CSMD2: variants seen among roughly 807,000 people sequenced by gnomAD.
CSMD2 encodes the protein CUB and sushi domain-containing protein 2.
Under a neutral mutation model 398.5 loss-of-function variants are expected in CSMD2, and 130 were observed. The observed-to-expected ratio is 0.33, with a 90% confidence interval of 0.28 to 0.38. The LOEUF is 0.38. CSMD2 is among the 10% of genes least tolerant of loss of function. CSMD2 has a pLI of 1.00. For missense variants in CSMD2, 3,829 were observed against 4,764.9 expected (o/e 0.80, Z 5.78); for synonymous variants, 1,828 against 1,908.5 (o/e 0.96, Z 1.10).
chr1:33,851,337 G>A (rs932645417), intron 5 of CSMD2, among the ~76,000 whole-genome samples: 1 of 152,118 alleles, frequency 6.6e-6, no homozygotes, highest in African/African-American at 2.4e-5. Flanking sequence ...AGCATCTCCT[G>A]TGGGCATTAT....
chr1:33,920,243 C>T (rs975418227), intron 4 of CSMD2, among the ~76,000 whole-genome samples: 7 of 152,046 alleles, frequency 4.6e-5, no homozygotes, highest in South Asian at 2.1e-4. Flanking sequence ...TCAAGAGACC[C>T]AAGGACTGGG....
intron 1 of CSMD2, among the ~76,000 whole-genome samples, chr1:34,153,679 G>T (rs1640538693): frequency 6.6e-6 from 1 of 152,172 alleles, no homozygotes; most frequent in South Asian, 2.1e-4. Context: ...CTTTAACTGG[G>T]GCCTTCGGGA....
At chr1:33,596,277 C>T (rs866661568) in intron 44 of CSMD2, among the ~76,000 whole-genome samples, 1 of 152,050 alleles carries the variant, frequency 6.6e-6, no homozygotes, top group Non-Finnish European at 1.5e-5. Context: ...CAATACCCTA[C>T]ATGGGTGTCT....
intron 39 of CSMD2, among the ~76,000 whole-genome samples, chr1:33,615,582 AACTAGTGAC>A (rs1641330450): frequency 6.6e-6 from 1 of 152,176 alleles, no homozygotes; most frequent in Admixed American, 6.5e-5. Flanking sequence ...TGTAAAATGG[AACTAGTGAC>A]AGCACCCTTC....
chr1:33,766,993 G>A (rs1285045499), intron 13 of CSMD2, among the ~76,000 whole-genome samples: 1 of 152,192 alleles, frequency 6.6e-6, no homozygotes, highest in Non-Finnish European at 1.5e-5. Context: ...ATCGGATAAT[G>A]TCAATTCTAG....
At chr1:33,851,554 A>G (rs1638710134) in intron 5 of CSMD2, among the ~76,000 whole-genome samples, 1 of 152,116 alleles carries the variant, frequency 6.6e-6, no homozygotes, top group Admixed American at 6.5e-5. Flanking sequence ...ATGAATGGAG[A>G]GGACACCAGG....
chr1:34,035,358 T>C (rs901056262), intron 2 of CSMD2, among the ~76,000 whole-genome samples: 1 of 152,118 alleles, frequency 6.6e-6, no homozygotes, highest in African/African-American at 2.4e-5. Flanking sequence ...AAACTCATAT[T>C]ATGAGGCCAG....
chr1:34,137,825 G>A (rs1638906991), intron 1 of CSMD2, among the ~76,000 whole-genome samples: 1 of 152,226 alleles, frequency 6.6e-6, no homozygotes, highest in Admixed American at 6.5e-5. Flanking sequence ...AATTCTCTGA[G>A]TTAGGTAAAG....
At chr1:33,981,228 G>A (rs1214677777) in intron 3 of CSMD2, among the ~76,000 whole-genome samples, 1 of 152,184 alleles carries the variant, frequency 6.6e-6, no homozygotes, top group Non-Finnish European at 1.5e-5. Context: ...CAACATTCCA[G>A]CTATTTGCAC....
At chr1:33,920,929 C>T (rs1417914343) in intron 4 of CSMD2, among the ~76,000 whole-genome samples, 2 of 152,172 alleles carry the variant, frequency 1.3e-5, no homozygotes, top group South Asian at 4.1e-4. Context: ...AGGGTGCCTG[C>T]CTGGTAGGCC....
In CSMD2 at chr1:33,725,545, T is replaced by C. The variant is rs754755121; in HGVS notation, c.2508-9A>G. The C allele has an allele frequency of 6.2e-7, 1 of 1,613,622 alleles. No homozygotes were observed. Among genetic ancestry groups the C allele is most frequent in the East Asian group, 2.2e-5 (1 of 44,882 alleles). On this transcript the variant is annotated splice_polypyrimidine_tract_variant and intron_variant, in intron 16 of 70. Transcript: ENST00000373381. ...TGACCTCGGTTTTGAATCTGCCAAA[T>C]GACAGAAATGAAGCCTTCTTGAGAA...
chr1:34,055,408 A>G (rs1174657052), intron 2 of CSMD2, among the ~76,000 whole-genome samples: 3 of 152,128 alleles, frequency 2.0e-5, no homozygotes, highest in Non-Finnish European at 4.4e-5. Flanking sequence ...TTGAGGGCTC[A>G]GTCTCACAAG....
Position 33,772,719 on chromosome 1 carries a change from T to C in CSMD2, c.1696A>G (p.Ile566Val), listed in dbSNP as rs1334985970. 14 of 1,613,948 alleles carry C rather than the reference T, an allele frequency of 8.7e-6. No individual in the cohort carries two copies. The highest frequency in any genetic ancestry group is 1.3e-5 in the African/African-American group (1 of 74,924). Residue 566 changes from isoleucine (I) to valine (V), a missense_variant, in exon 13 of 71, where the codon ATA becomes GTA. By Grantham distance (29) the Ile-to-Val change is conservative (BLOSUM62 3). Coordinates refer to ENST00000373381, the MANE Select transcript of CSMD2 (RefSeq NM_001281956.2). Reference sequence around the variant, plus strand: ...CCTTCCCTCCGGCCATATGCAGGTATGCCAGGGTCACCGCAACTGCCCTGC... The same window carrying C: ...CCTTCCCTCCGGCCATATGCAGGTACGCCAGGGTCACCGCAACTGCCCTGC... The part of the protein sequence containing the change: ...IEQGSCGDPG[I>V]PAYGRREGSR...
chr1:33,878,542 C>T (rs909320128), intron 5 of CSMD2, among the ~76,000 whole-genome samples: 10 of 152,356 alleles, frequency 6.6e-5, no homozygotes, highest in Middle Eastern at 3.4e-3. Context: ...ATCTGCTCCC[C>T]GCATTGATCT....
At chr1:34,032,559 C>A in intron 3 of CSMD2, 35 bp downstream of exon 3, 5 of 1,383,656 alleles carry the variant, frequency 3.6e-6, no homozygotes, top group Non-Finnish European at 5.0e-6. Flanking sequence ...GACATCACAT[C>A]TCCGGCTCCT....
chr1:33,892,371 A>G (rs1166301965), intron 5 of CSMD2, among the ~76,000 whole-genome samples: 1 of 152,128 alleles, frequency 6.6e-6, no homozygotes, highest in Non-Finnish European at 1.5e-5. Context: ...TTTTGGTTAC[A>G]TGGACATGTT....
intron 64 of CSMD2, among the ~76,000 whole-genome samples, chr1:33,532,545 A>G (rs1284108050): frequency 6.6e-6 from 1 of 152,172 alleles, no homozygotes; most frequent in African/African-American, 2.4e-5. Context: ...TACTCCAAAT[A>G]TAAAATCTGA....
intron 4 of CSMD2, among the ~76,000 whole-genome samples, chr1:33,923,633 T>C (rs972121447): frequency 1.3e-5 from 2 of 152,196 alleles, no homozygotes; most frequent in South Asian, 2.1e-4. Flanking sequence ...CTTTTATGTG[T>C]TGGGAACATT....
At chr1:33,902,697 G>A (rs1642835353) in intron 5 of CSMD2, among the ~76,000 whole-genome samples, 1 of 152,180 alleles carries the variant, frequency 6.6e-6, no homozygotes, top group Non-Finnish European at 1.5e-5. Flanking sequence ...CCAGTGACCA[G>A]AAGAGGTATC....
Sources: gnomAD v4.1 joint callset for allele counts (sites outside exome capture counted in the v4.1 genomes callset) on GRCh38, gnomAD v4.1.1 for gene constraint, MANE v1.5 for transcripts, NCBI Gene and HGNC (gene_info 2026-07-23, HGNC 2026-07-21) for gene names.